Variants in MRC1 observed in about 807,000 individuals in gnomAD.
MRC1 encodes the protein macrophage mannose receptor 1.
In MRC1, 62 loss-of-function variants were observed where a neutral mutation model predicts 102.9. That is an observed-to-expected ratio of 0.60 (90% CI 0.49 to 0.74). The LOEUF (loss-of-function observed/expected upper bound fraction) is 0.74, where lower values mean the gene tolerates loss of function less well. Ranked by LOEUF, MRC1 falls within the 30% of genes least tolerant of loss-of-function variation. The probability of loss-of-function intolerance (pLI) is 0.00; values close to 1 mark genes in which losing one functional copy is unlikely to be tolerated. For synonymous variants in MRC1, 457 were observed against 298.4 expected, an observed-to-expected ratio of 1.53 and a Z score of -5.48; for missense variants, 1,237 against 862.8, an observed-to-expected ratio of 1.43 and a Z score of -5.43.
intron 28 of MRC1, among the ~76,000 whole-genome samples, chr10:17,908,252 T>A (rs1177252801): frequency 6.6e-6 from 1 of 152,172 alleles, no homozygotes; most frequent in Non-Finnish European, 1.5e-5. Context: ...CCCAATACAT[T>A]ACTGATTAGA....
intron 1 of MRC1, among the ~76,000 whole-genome samples, chr10:17,811,208 G>A (rs1464756045): frequency 5.9e-5 from 9 of 152,284 alleles, no homozygotes; most frequent in African/African-American, 1.7e-4. Context: ...TTCAAAATCT[G>A]GTGAGTATTG....
At chr10:17,861,267 T>A (rs1259359037) in intron 9 of MRC1, 120 bp from the exon 10 acceptor site, 1 of 561,134 alleles carries the variant, frequency 1.8e-6, no homozygotes, top group African/African-American at 2.0e-5. Flanking sequence ...GAGCCAAGAT[T>A]GCGCCATTGT....
rs1234016884 is a variant in MRC1 at position 17,840,689 on chromosome 10, A to G, written c.803-4A>G. ...TGTTTGTTTTGCTTTCTTTAAAAAT[A>G]TAGGATTAACCAGTTCCTTGACCTC... On this transcript the variant is annotated splice_region_variant and splice_polypyrimidine_tract_variant and intron_variant, in intron 4 of 29. Transcript: ENST00000569591. The G allele has an allele frequency of 1.3e-6, 1 of 780,582 alleles. No homozygotes were observed. Among genetic ancestry groups the G allele is most frequent in the South Asian group, 1.3e-5 (1 of 74,478 alleles). 48.4% of individuals were successfully genotyped at this position (780,582 alleles called of 1,614,324 possible). A position where few individuals can be genotyped will look rare whatever the true frequency, so the allele number is the denominator to read the frequency against.
intron 8 of MRC1, among the ~76,000 whole-genome samples, chr10:17,854,188 G>C (rs1833043378): frequency 6.6e-6 from 1 of 152,190 alleles, no homozygotes; most frequent in African/African-American, 2.4e-5. Context: ...CTAAGCTCAA[G>C]CGATCTGCCT....
In MRC1 at chr10:17,866,600, G is replaced by A. The variant is rs2130669115; in HGVS notation, c.1822G>A (p.Ala608Thr). The A allele has an allele frequency of 1.3e-6, 1 of 780,844 alleles. No individual in the cohort carries two copies. The highest frequency in any genetic ancestry group is 2.4e-5 in the East Asian group (1 of 41,230). The allele number at this position is 780,844 out of a possible 1,614,324, so 48.4% of individuals were successfully genotyped here. ...GTGTGTTGCCATGAGAACCGGGATT[G>A]CAGGGGGCTTATGGGATGTTTTGAA... The part of the protein sequence containing the change: ...PGCVAMRTGI[A>T]GGLWDVLKCD... Residue 608 changes from alanine (A) to threonine (T), a missense_variant, in exon 12 of 30, where the codon GCA (alanine) becomes ACA (threonine). Coordinates refer to ENST00000569591, the MANE Select transcript of MRC1 (RefSeq NM_002438.4).
chr10:17,910,227 A>C lies in MRC1; in HGVS notation c.4133A>C (p.Lys1378Thr). The C allele has an allele frequency of 1.3e-6, 1 of 780,896 alleles. No individual in the cohort carries two copies. The highest frequency in any genetic ancestry group is 2.4e-6 in the Non-Finnish European group (1 of 417,960). The allele number at this position is 780,896 out of a possible 1,614,324, so 48.4% of individuals were successfully genotyped here. ...ELLTTKADTR[K>T]MDPSKPSSNV... is the part of the protein sequence containing the mutation. ...TATTTATTTATAGCTGACACAAGGA[A>C]GATGGACCCTTCTAAACCGTCTTCC... Residue 1378 changes from lysine (K) to threonine (T), a missense_variant, in exon 30 of 30, where the codon AAG becomes ACG. Coordinates refer to ENST00000569591, the MANE Select transcript of MRC1 (RefSeq NM_002438.4).
At chr10:17,850,962 T>C (rs76496756) in intron 7 of MRC1, among the ~76,000 whole-genome samples, 2 of 152,230 alleles carry the variant, frequency 1.3e-5, no homozygotes, top group Admixed American at 1.3e-4. Flanking sequence ...AATTTCTTGG[T>C]TATTCTGTGT....
At chr10:17,899,009 T>C (rs1833793187) in intron 24 of MRC1, among the ~76,000 whole-genome samples, 1 of 152,074 alleles carries the variant, frequency 6.6e-6, no homozygotes, top group Non-Finnish European at 1.5e-5. Context: ...AAGGGACCAG[T>C]TGGGCTAGTG....
At chr10:17,848,191 A>G (rs1309821858) in intron 6 of MRC1, among the ~76,000 whole-genome samples, 1 of 152,198 alleles carries the variant, frequency 6.6e-6, no homozygotes, top group Non-Finnish European at 1.5e-5. Context: ...TAAGACAGCC[A>G]TTTGAAAACA....
intron 3 of MRC1, among the ~76,000 whole-genome samples, chr10:17,833,275 C>T (rs894644410): frequency 5.9e-4 from 90 of 152,084 alleles, no homozygotes; most frequent in Middle Eastern, 6.8e-3. Flanking sequence ...AATCCCAGCA[C>T]TTTGGGAAGC....
chr10:17,814,514 A>G (rs1485594975), intron 1 of MRC1, among the ~76,000 whole-genome samples: 1 of 152,080 alleles, frequency 6.6e-6, no homozygotes, highest in African/African-American at 2.4e-5. Flanking sequence ...CAGATGAGGA[A>G]GTAGAGGCTA....
chr10:17,812,239 C>T (rs913609794), intron 1 of MRC1, among the ~76,000 whole-genome samples: 2,962 of 152,142 alleles, frequency 0.019, 49 homozygotes, highest in South Asian at 0.085. Context: ...TTGTTCTTGC[C>T]GCACTATCTT....
chr10:17,902,809 T>C (rs530892341), intron 26 of MRC1, among the ~76,000 whole-genome samples: 111,030 of 152,064 alleles, frequency 0.73, 41,030 homozygotes, highest in African/African-American at 0.84. Context: ...TTTAGCTTTG[T>C]ACAGTGGCAG....
intron 22 of MRC1, among the ~76,000 whole-genome samples, chr10:17,891,192 A>G (rs1833668982): frequency 6.0e-5 from 9 of 149,078 alleles, no homozygotes; most frequent in Admixed American, 5.4e-4. Flanking sequence ...TTTGAGATGG[A>G]GTCTCACTCT....
At chr10:17,870,543 T>A (rs1185134938) in intron 13 of MRC1, among the ~76,000 whole-genome samples, 170 bp downstream of exon 13, 1 of 152,186 alleles carries the variant, frequency 6.6e-6, no homozygotes, top group Admixed American at 6.6e-5. Flanking sequence ...TCAAATCCTT[T>A]AATTTTATAA....
At chr10:17,844,211 C>T (rs1838791628) in intron 5 of MRC1, among the ~76,000 whole-genome samples, 1 of 151,752 alleles carries the variant, frequency 6.6e-6, no homozygotes, top group Admixed American at 6.6e-5. Context: ...GCTTTTTCTC[C>T]TCCATTTATT....
chr10:17,876,413 A>G (rs1310658099), intron 17 of MRC1, among the ~76,000 whole-genome samples: 6 of 151,878 alleles, frequency 4.0e-5, no homozygotes, highest in Non-Finnish European at 1.5e-5. Flanking sequence ...ATGCCTGGCT[A>G]ATTTTTGTAT....
At chr10:17,889,355 A>G (rs1833642857) in intron 22 of MRC1, among the ~76,000 whole-genome samples, 1 of 152,018 alleles carries the variant, frequency 6.6e-6, no homozygotes, top group Non-Finnish European at 1.5e-5. Flanking sequence ...TTTTACTTCA[A>G]TATTTTGTAT....
At chr10:17,894,841 G>T (rs1382035138) in intron 23 of MRC1, among the ~76,000 whole-genome samples, 1 of 151,998 alleles carries the variant, frequency 6.6e-6, no homozygotes, top group Non-Finnish European at 1.5e-5. Context: ...TTAGCTCTTT[G>T]TCCTGATGAA....
Sources: allele counts gnomAD v4.1 joint callset (sites outside exome capture counted in the v4.1 genomes callset), GRCh38; gene constraint gnomAD v4.1.1; transcripts MANE v1.5; gene names NCBI Gene and HGNC (gene_info 2026-07-23, HGNC 2026-07-21).